HELZ: variants seen among roughly 807,000 people sequenced by gnomAD.
HELZ encodes the protein helicase with zinc finger.
HELZ carries 23 observed loss-of-function variants against 218.2 expected under a neutral mutation model. The ratio of observed to expected loss-of-function variants is 0.11; its 90% CI spans 0.08 to 0.15. The LOEUF is 0.15. Ranked by LOEUF, HELZ falls within the 10% of genes least tolerant of loss-of-function variation. The probability of loss-of-function intolerance (pLI) is 1.00; values close to 1 mark genes in which losing one functional copy is unlikely to be tolerated. For synonymous variants in HELZ, 814 were observed against 829.4 expected, an observed-to-expected ratio of 0.98 and a Z score of 0.32; for missense variants, 1,813 against 2,353.7, an observed-to-expected ratio of 0.77 and a Z score of 4.75.
chr17:67,222,395 C>T (rs2040770479), intron 3 of HELZ, among the ~76,000 whole-genome samples: 1 of 152,118 alleles, frequency 6.6e-6, no homozygotes, highest in Non-Finnish European at 1.5e-5. Flanking sequence ...AACAATGATT[C>T]CCAAACATAT....
Position 67,218,599 on chromosome 17 carries a change from T to G in HELZ, c.206A>C (p.Gln69Pro). 6.2e-7 allele frequency: 1 copy of G among 1,612,154 alleles called. No individual in the cohort carries two copies. ...TTATTGACAGTGTTTACTCACCAGT[T>G]GCAAAAATGAGGCAATTCTGTAGAG... is the stretch of plus-strand genomic sequence containing the variant. ...SLLYRIASFL[Q>P]LKNYVQADED... The change falls in exon 4 of 33, where the codon CAA becomes CCA. Residue 69 changes from glutamine to proline, a missense_variant. Around this residue, in one of 4 missense-constraint regions of HELZ, gnomAD observed 714 missense variants for 1,029.2 expected, o/e 0.69. Coordinates refer to ENST00000358691, the MANE Select transcript of HELZ (RefSeq NM_014877.4).
chr17:67,242,529 CATAT>C (rs1390483469), intron 2 of HELZ, among the ~76,000 whole-genome samples: 2 of 3,504 alleles, frequency 5.7e-4, no homozygotes, highest in Non-Finnish European at 3.0e-3. Context: ...TATATACACA[CATAT>C]ATGTATATAT....
chr17:67,239,818 C>A (rs945599183), intron 2 of HELZ: 2 of 152,210 alleles, frequency 1.3e-5, no homozygotes, highest in African/African-American at 4.8e-5. Flanking sequence ...CCAGGAAGAA[C>A]ACCAGCTCCA....
Position 67,236,599 on chromosome 17 carries a change from T to C in HELZ, c.-19+2834A>G, listed in dbSNP as rs78070085. Among the ~76,000 whole-genome samples, 701 of 152,296 alleles carry C rather than the reference T, an allele frequency of 4.6e-3. 5 individuals are homozygous for C. Among genetic ancestry groups the C allele is most frequent in the African/African-American group, 0.016 (662 of 41,562 alleles). ...AGCCTTTCAATATATAAAGTTAAAT[T>C]ATAAAATCTATAAGATGTAAATGTT... On this transcript the variant is annotated intron_variant, in intron 3 of 32. Transcript: ENST00000358691.
At chr17:67,244,603 T>C in intron 1 of HELZ, 1 of 795,926 alleles carries the variant, frequency 1.3e-6, no homozygotes, top group Non-Finnish European at 1.5e-6. Context: ...GGGAAGAAAG[T>C]GAATCTCGGG....
chr17:67,226,994 G>C (rs892177461), intron 3 of HELZ, among the ~76,000 whole-genome samples: 1 of 152,188 alleles, frequency 6.6e-6, no homozygotes, highest in Non-Finnish European at 1.5e-5. Context: ...GGGTGGGTAG[G>C]GGTAACTATA....
chr17:67,175,722 G>A (rs895999964), intron 13 of HELZ, among the ~76,000 whole-genome samples: 1 of 152,136 alleles, frequency 6.6e-6, no homozygotes, highest in Non-Finnish European at 1.5e-5. Context: ...CTTTAGGTGA[G>A]AGTATCACCA....
chr17:67,198,711 C>T (rs1236938085), intron 7 of HELZ, among the ~76,000 whole-genome samples: 1 of 152,136 alleles, frequency 6.6e-6, no homozygotes, highest in Non-Finnish European at 1.5e-5. Context: ...TTAGCATTTA[C>T]AAGTTAAATA....
At chr17:67,235,749 CT>C (rs1216322685) in intron 3 of HELZ, among the ~76,000 whole-genome samples, 7,901 of 78,582 alleles carry the variant, frequency 0.1, 82 homozygotes, top group Non-Finnish European at 0.14. Context: ...ACCACACACT[CT>C]TTTTTTTTTT....
At chr17:67,147,926 C>T (rs1326369022) in intron 20 of HELZ, among the ~76,000 whole-genome samples, 1 of 152,228 alleles carries the variant, frequency 6.6e-6, no homozygotes, top group Admixed American at 6.5e-5. Context: ...GCCAGCTCTG[C>T]GCGCTTTCTC....
intron 2 of HELZ, among the ~76,000 whole-genome samples, chr17:67,240,488 T>G (rs2041290079): frequency 6.6e-6 from 1 of 152,240 alleles, no homozygotes; most frequent in African/African-American, 2.4e-5. Flanking sequence ...AAATAATTTT[T>G]TAAAACTGTA....
At chr17:67,243,141 A>C (rs1049219172) in intron 2 of HELZ, among the ~76,000 whole-genome samples, 4 of 152,242 alleles carry the variant, frequency 2.6e-5, no homozygotes, top group East Asian at 3.8e-4. Flanking sequence ...AGCATTACAA[A>C]TTAGATTAAA....
At chr17:67,239,661 T>A (rs1411152111) in intron 2 of HELZ, 172 bp from the exon 3 acceptor site, 1 of 152,226 alleles carries the variant, frequency 6.6e-6, no homozygotes, top group African/African-American at 2.4e-5. Flanking sequence ...GAGATAAGCC[T>A]CCAAAGATTA....
In HELZ at chr17:67,120,474, G is replaced by T; in HGVS notation, c.3769C>A (p.Pro1257Thr). 2 of 1,614,004 alleles carry T rather than the reference G, an allele frequency of 1.2e-6. No individual in the cohort carries two copies. The highest frequency in any genetic ancestry group is 1.1e-5 in the South Asian group (1 of 91,076). ...TGTGGCTGGCCTATGGTGACAGGTG[G>T]GTGATGTCCAAGGCCATAAGGAATA... ...SPIPYGLGHH[P>T]PVTIGQPQNQ... The change falls in exon 27 of 33, where the codon CCA becomes ACA. Residue 1257 changes from proline to threonine, a missense_variant. By Grantham distance (38) the Pro-to-Thr change is conservative (BLOSUM62 -1). Around this residue, in one of 4 missense-constraint regions of HELZ, gnomAD observed 938 missense variants for 1,027.5 expected, o/e 0.91. Transcript: ENST00000358691.
chr17:67,105,236 TA>T (rs1240102796), intron 31 of HELZ, among the ~76,000 whole-genome samples: 2 of 152,208 alleles, frequency 1.3e-5, no homozygotes, highest in Non-Finnish European at 2.9e-5. Flanking sequence ...GGAATCCTCA[TA>T]CATAGCTGTG....
At chr17:67,227,199 TTTTTTTTTTTTAAGATGGAGTCTC>T (rs2040916692) in intron 3 of HELZ, among the ~76,000 whole-genome samples, 1 of 152,002 alleles carries the variant, frequency 6.6e-6, no homozygotes, top group African/African-American at 2.4e-5. Context: ...ATTTGACTTT[TTTTTTTTTTTTAAGATGGAGTCTC>T]ACTCTGTCGC....
chr17:67,245,240 G>T (rs2041451494), upstream of HELZ: 6 of 980,846 alleles, frequency 6.1e-6, no homozygotes, highest in Non-Finnish European at 3.6e-6. Flanking sequence ...GACTCCCCCC[G>T]GCCCCCGACT....
chr17:67,153,516 C>T (rs189425224), intron 17 of HELZ, among the ~76,000 whole-genome samples: 2 of 152,338 alleles, frequency 1.3e-5, no homozygotes, highest in East Asian at 3.9e-4. Context: ...AAAGGGCTTA[C>T]AGCCAGGATT....
intron 23 of HELZ, among the ~76,000 whole-genome samples, chr17:67,129,418 CTA>C (rs1209711050): frequency 4.6e-5 from 7 of 151,832 alleles, no homozygotes; most frequent in Non-Finnish European, 1.5e-5. Context: ...TATGTGTAAT[CTA>C]TGTGTGTGTG....
Sources: gnomAD v4.1 joint callset for allele counts (sites outside exome capture counted in the v4.1 genomes callset) on GRCh38, gnomAD v4.1.1 for gene constraint, gnomAD v4.1.1 regional missense constraint, MANE v1.5 for transcripts, NCBI Gene and HGNC (gene_info 2026-07-23, HGNC 2026-07-21) for gene names.